Variants in IGF1R observed in about 807,000 individuals in gnomAD.
The protein encoded by IGF1R is insulin-like growth factor 1 receptor.
In IGF1R, 44 loss-of-function variants were observed where a neutral mutation model predicts 144.6. The ratio of observed to expected loss-of-function variants is 0.30; its 90% CI spans 0.24 to 0.39. The LOEUF is 0.39. Ranked by LOEUF, IGF1R falls within the 10% of genes least tolerant of loss-of-function variation. The probability of loss-of-function intolerance (pLI) is 1.00; values close to 1 mark genes in which losing one functional copy is unlikely to be tolerated. For synonymous variants in IGF1R, 795 were observed against 722.8 expected (o/e 1.10, Z -1.60); for missense variants, 1,355 against 1,833.7 (o/e 0.74, Z 4.77).
At chr15:98,883,711 G>A (rs554305368) in intron 2 of IGF1R, among the ~76,000 whole-genome samples, 1 of 152,196 alleles carries the variant, frequency 6.6e-6, no homozygotes, top group Non-Finnish European at 1.5e-5. Context: ...TGTGCCAGCC[G>A]TGGGTTCCCT....
At chr15:98,661,362 G>T (rs1322740781) in intron 1 of IGF1R, among the ~76,000 whole-genome samples, 1 of 152,208 alleles carries the variant, frequency 6.6e-6, no homozygotes, top group Non-Finnish European at 1.5e-5. Flanking sequence ...TACTTGTCTA[G>T]GTTGGTGTCA....
intron 2 of IGF1R, among the ~76,000 whole-genome samples, chr15:98,753,956 G>T (rs1330250788): frequency 6.6e-6 from 1 of 152,158 alleles, no homozygotes; most frequent in Non-Finnish European, 1.5e-5. Flanking sequence ...CTCTGGGACA[G>T]ATCTGCTTCT....
chr15:98,813,032 C>A (rs557132234), intron 2 of IGF1R, among the ~76,000 whole-genome samples: 2 of 152,170 alleles, frequency 1.3e-5, no homozygotes, highest in Admixed American at 1.3e-4. Context: ...GGAAGCTTCT[C>A]GTCATCCCCC....
intron 2 of IGF1R, among the ~76,000 whole-genome samples, chr15:98,716,189 A>G (rs1244187525): frequency 2.0e-5 from 3 of 152,094 alleles, no homozygotes; most frequent in South Asian, 2.1e-4. Flanking sequence ...GGGGGCTTGC[A>G]TCGGACTACC....
chr15:98,721,610 A>G (rs1323287255), intron 2 of IGF1R, among the ~76,000 whole-genome samples: 1 of 152,198 alleles, frequency 6.6e-6, no homozygotes, highest in African/African-American at 2.4e-5. Context: ...GTCTTCTCTC[A>G]GGGTAGTGCA....
chr15:98,699,253 T>C (rs758327231), intron 1 of IGF1R, among the ~76,000 whole-genome samples: 1 of 152,066 alleles, frequency 6.6e-6, no homozygotes, highest in Non-Finnish European at 1.5e-5. Flanking sequence ...TGCTAGGTGG[T>C]AGTGAGGACA....
rs7164919 is a variant in IGF1R, at chr15:98,827,324, T to C, written c.641-64001T>C. 9.9e-3 allele frequency among the ~76,000 whole-genome samples: 1,507 copies of C among 152,308 alleles called. 26 individuals are homozygous for C. Among genetic ancestry groups the C allele is most frequent in the African/African-American group, 0.034 (1,432 of 41,574 alleles). On this transcript the variant is annotated intron_variant, in intron 2 of 20. Coordinates refer to ENST00000650285, the MANE Select transcript of IGF1R (RefSeq NM_000875.5). ...TCTGCACTATGCCCTGTAACCTCGTTCACATGCCGTTTGAATGTATACCAT... is the reference window on the plus strand; with the variant it reads ...TCTGCACTATGCCCTGTAACCTCGTCCACATGCCGTTTGAATGTATACCAT...
chr15:98,675,541 T>C (rs2053014121), intron 1 of IGF1R, among the ~76,000 whole-genome samples: 1 of 152,226 alleles, frequency 6.6e-6, no homozygotes, highest in African/African-American at 2.4e-5. Context: ...AGCTTTGCAA[T>C]TTTAGCATTT....
intron 2 of IGF1R, among the ~76,000 whole-genome samples, chr15:98,780,607 A>G (rs907262224): frequency 2.7e-5 from 4 of 150,524 alleles, no homozygotes; most frequent in Admixed American, 6.6e-5. Context: ...TGTAAGGTGA[A>G]TATGTTATCT....
At chr15:98,679,944 AAAGTT>A (rs2053146940) in intron 1 of IGF1R, among the ~76,000 whole-genome samples, 1 of 152,162 alleles carries the variant, frequency 6.6e-6, no homozygotes, top group Admixed American at 6.5e-5. Context: ...AAAAGTTTAA[AAAGTT>A]AAAAAAAAAA....
At chr15:98,805,172 A>G (rs1005389485) in intron 2 of IGF1R, among the ~76,000 whole-genome samples, 58 of 152,210 alleles carry the variant, frequency 3.8e-4, no homozygotes, top group Non-Finnish European at 5.9e-5. Context: ...GGAGCATTAC[A>G]GGGGAGTCTT....
intron 1 of IGF1R, among the ~76,000 whole-genome samples, chr15:98,650,247 C>T (rs2052321577): frequency 6.6e-6 from 1 of 152,194 alleles, no homozygotes; most frequent in South Asian, 2.1e-4. Flanking sequence ...CGTCTCCAAG[C>T]GCCCGTCGCT....
intron 1 of IGF1R, among the ~76,000 whole-genome samples, chr15:98,655,104 C>A (rs1240120942): frequency 6.6e-6 from 1 of 152,120 alleles, no homozygotes; most frequent in Non-Finnish European, 1.5e-5. Context: ...ATGCCTGCAC[C>A]CCCATCCCCG....
intron 20 of IGF1R, chr15:98,954,238 G>T (rs72752895): frequency 0.16 from 24,482 of 152,086 alleles, 2,165 homozygotes; most frequent in East Asian, 0.36. Context: ...CAGCCTCCGG[G>T]GGGGGTCACA....
intron 2 of IGF1R, chr15:98,784,429 T>G (rs2055939485): frequency 6.5e-6 from 1 of 154,068 alleles, no homozygotes; most frequent in Admixed American, 6.5e-5. Flanking sequence ...AATTTTTATT[T>G]TGGCCAACTC....
chr15:98,818,111 C>A (rs1259598774), intron 2 of IGF1R, among the ~76,000 whole-genome samples: 1 of 152,152 alleles, frequency 6.6e-6, no homozygotes, highest in Non-Finnish European at 1.5e-5. Context: ...AGGGTCTCAC[C>A]CTTATGACCT....
rs869208651 is a variant in IGF1R at position 98,661,956 on chromosome 15, C to CTTTTTTTTTTTTTT, written c.94+12294_94+12307dup. Among the ~76,000 whole-genome samples the CTTTTTTTTTTTTTT allele has an allele frequency of 5.2e-3, 545 of 105,664 alleles. 24 individuals are homozygous for CTTTTTTTTTTTTTT. The highest frequency in any genetic ancestry group is 6.8e-3 in the African/African-American group (151 of 22,324). 69.3% of individuals were successfully genotyped at this position (105,664 alleles called of 152,430 possible). On this transcript the variant is annotated intron_variant, in intron 1 of 20. Coordinates refer to ENST00000650285, the MANE Select transcript of IGF1R (RefSeq NM_000875.5). ...GAATTGCTGCCAGTTGAATAGGGCC[C>CTTTTTTTTTTTTTT]TTTTTTTTTTTTTTTTTTTTTTTTT...
intron 1 of IGF1R, among the ~76,000 whole-genome samples, chr15:98,654,849 T>C (rs2052448627): frequency 2.0e-5 from 3 of 152,212 alleles, no homozygotes; most frequent in East Asian, 1.9e-4. Context: ...CTGAACACTT[T>C]AGAGACAACA....
chr15:98,680,117 A>G (rs1358648369), intron 1 of IGF1R, among the ~76,000 whole-genome samples: 1 of 152,182 alleles, frequency 6.6e-6, no homozygotes, highest in Non-Finnish European at 1.5e-5. Flanking sequence ...AAATTTAGTG[A>G]GGCCTAGGTA....
Sources: allele counts gnomAD v4.1 joint callset (sites outside exome capture counted in the v4.1 genomes callset), GRCh38; gene constraint gnomAD v4.1.1; transcripts MANE v1.5; gene names NCBI Gene and HGNC (gene_info 2026-07-23, HGNC 2026-07-21).